Variants in LYAR observed in about 807,000 individuals in gnomAD.
LYAR encodes the protein cell growth-regulating nucleolar protein.
Under a neutral mutation model 45.2 loss-of-function variants are expected in LYAR, and 37 were observed. The observed-to-expected ratio is 0.82, with a 90% CI of 0.63 to 1.08. LYAR has a LOEUF of 1.08. Among genes scored for constraint, LYAR ranks in the 50% least tolerant of loss-of-function variants. The pLI is 0.00. For synonymous variants in LYAR, 176 were observed against 155.1 expected, an observed-to-expected ratio of 1.14 and a Z score of -1.00; for missense variants, 493 against 451.0, an observed-to-expected ratio of 1.09 and a Z score of -0.84.
rs964299150 is a variant in LYAR at position 4,272,173 on chromosome 4, C to T, written c.919+1410G>A. 3.9e-5 allele frequency among the ~76,000 whole-genome samples: 6 copies of T among 152,250 alleles called. No individual in the cohort carries two copies. In the South Asian group the frequency reaches 6.2e-4, roughly 16 times the overall value. ...TGGAAGCGTATCCATGTCAACATCC[C>T]GGCTGAGATGCTGTACTACAGTTGT... On this transcript the variant is annotated intron_variant, in intron 8 of 9. Coordinates refer to ENST00000343470, the MANE Select transcript of LYAR (RefSeq NM_017816.3).
At chr4:4,284,553 G>C (rs547004413) in intron 2 of LYAR, among the ~76,000 whole-genome samples, 15 of 152,284 alleles carry the variant, frequency 9.9e-5, no homozygotes, top group African/African-American at 3.6e-4. Context: ...GCTGGGTGCT[G>C]AATTACTGGA....
At chr4:4,282,003 A>C in intron 3 of LYAR, 106 bp from the exon 4 acceptor site, 3 of 702,568 alleles carry the variant, frequency 4.3e-6, no homozygotes, top group Non-Finnish European at 7.6e-6. Context: ...ATATTTTCAC[A>C]TGTGTCTATC....
At chr4:4,288,557 C>T (rs1342200334) in intron 1 of LYAR, among the ~76,000 whole-genome samples, 4 of 148,362 alleles carry the variant, frequency 2.7e-5, no homozygotes, top group East Asian at 4.0e-4. Flanking sequence ...GCAATCTCGG[C>T]TCACTGCAGC....
At chr4:4,272,161 A>T (rs978406679) in intron 8 of LYAR, among the ~76,000 whole-genome samples, 1 of 152,214 alleles carries the variant, frequency 6.6e-6, no homozygotes, top group Non-Finnish European at 1.5e-5. Context: ...AAGCGTATCC[A>T]TGTCAACATC....
rs1577212694 is a variant in LYAR at position 4,274,538 on chromosome 4, T to C, written c.661A>G (p.Lys221Glu). The stretch of plus-strand genomic sequence containing the variant: ...GCCTCCTGTCCCTTTTTGCGCTTCT[T>C]AGGCTTCTGATTCCTTGAGTTTTCC... ...HQENSRNQKPKKRKKGQEADL... is the reference protein window; with the variant it reads ...HQENSRNQKPEKRKKGQEADL... Residue 221 changes from lysine to glutamate, a missense_variant, in exon 7 of 10, where the codon AAG becomes GAG. Transcript: ENST00000343470. The C allele has an allele frequency of 5.0e-6, 8 of 1,614,204 alleles. No individual in the cohort carries two copies. In the East Asian group the frequency reaches 8.9e-5, roughly 18 times the overall value.
chr4:4,286,947 G>A lies in LYAR; in HGVS notation c.-107-375C>T, dbSNP rs147957598. 1.7e-4 allele frequency among the ~76,000 whole-genome samples: 26 copies of A among 152,232 alleles called. No homozygotes were observed. The East Asian group carries it at 1.7e-3, about 10-fold the overall frequency. On this transcript the variant is annotated intron_variant, in intron 1 of 9. Coordinates refer to ENST00000343470, the MANE Select transcript of LYAR (RefSeq NM_017816.3). Reference sequence around the variant, plus strand: ...ATTACAGGCGTGAGCCACCGCGCCCGGCCTTAATTAAATTTTAAATGATGT... The same window carrying A: ...ATTACAGGCGTGAGCCACCGCGCCCAGCCTTAATTAAATTTTAAATGATGT...
At chr4:4,279,401 T>G (rs763338321) in intron 6 of LYAR, 46 bp downstream of exon 6, 6 of 1,207,894 alleles carry the variant, frequency 5.0e-6, no homozygotes, top group Non-Finnish European at 7.2e-6. Context: ...TCATTATTAC[T>G]AATTATTTTT....
chr4:4,268,704 TC>T, intron 8 of LYAR, 89 bp from the exon 9 acceptor site: 1 of 786,686 alleles, frequency 1.3e-6, no homozygotes, highest in Non-Finnish European at 2.1e-6. Context: ...CCTATTTGCT[TC>T]CCAGGAAATG....
intron 2 of LYAR, among the ~76,000 whole-genome samples, chr4:4,285,413 A>G (rs917742015): frequency 2.0e-5 from 3 of 151,918 alleles, no homozygotes; most frequent in East Asian, 1.9e-4. Flanking sequence ...AAAGCTTACC[A>G]TTCTAAAAAA....
At chr4:4,289,395 T>C (rs888293018) in intron 1 of LYAR, among the ~76,000 whole-genome samples, 1 of 151,998 alleles carries the variant, frequency 6.6e-6, no homozygotes, top group African/African-American at 2.4e-5. Flanking sequence ...GAAATCAGGG[T>C]TGCAAATACA....
chr4:4,274,830 A>T, intron 6 of LYAR, 61 bp from the exon 7 acceptor site: 1 of 1,476,792 alleles, frequency 6.8e-7, no homozygotes, highest in South Asian at 1.3e-5. Flanking sequence ...TAGAGTTGTC[A>T]CGTTATTGCC....
intron 2 of LYAR, among the ~76,000 whole-genome samples, chr4:4,284,496 G>C (rs1011141195): frequency 8.5e-5 from 13 of 152,174 alleles, no homozygotes; most frequent in Admixed American, 6.5e-5. Flanking sequence ...GTGGCAGCTT[G>C]TCAGACAAGT....
chr4:4,276,041 G>C (rs1719166419), intron 6 of LYAR, among the ~76,000 whole-genome samples: 1 of 152,114 alleles, frequency 6.6e-6, no homozygotes, highest in Admixed American at 6.6e-5. Flanking sequence ...ACTTTAAACA[G>C]TGACATCAGC....
intron 8 of LYAR, 119 bp downstream of exon 8, chr4:4,273,464 C>T: frequency 1.4e-6 from 1 of 690,694 alleles, no homozygotes; most frequent in Non-Finnish European, 2.6e-6. Flanking sequence ...CCATGGCTCA[C>T]TACAGCCTCA....
At chr4:4,286,146 GAACAGCTC>G (rs1405570052) in intron 2 of LYAR, among the ~76,000 whole-genome samples, 1 of 152,190 alleles carries the variant, frequency 6.6e-6, no homozygotes, top group Non-Finnish European at 1.5e-5. Flanking sequence ...CATGAAATGG[GAACAGCTC>G]TGTGTCCACT....
chr4:4,279,760 G>A lies in LYAR; in HGVS notation c.238-11C>T, dbSNP rs778221067. On this transcript the variant is annotated splice_polypyrimidine_tract_variant and intron_variant, in intron 4 of 9. Coordinates refer to ENST00000343470, the MANE Select transcript of LYAR (RefSeq NM_017816.3). ...TAATTCACTAATTTTCTACAAAAAG[G>A]GAAGAAAAAAGAAAAACTATTAATA... The A allele has an allele frequency of 7.8e-6, 12 of 1,537,576 alleles. No homozygotes were observed. The highest frequency in any genetic ancestry group is 4.5e-5 in the East Asian group (2 of 44,474).
At chr4:4,274,820 T>C (rs538535236) in intron 6 of LYAR, 51 bp from the exon 7 acceptor site, 10 of 1,521,904 alleles carry the variant, frequency 6.6e-6, no homozygotes, top group Middle Eastern at 1.8e-4. Context: ...AATGTGTAAA[T>C]AGAGTTGTCA....
intron 2 of LYAR, among the ~76,000 whole-genome samples, chr4:4,286,202 C>T (rs974948841): frequency 1.3e-5 from 2 of 152,172 alleles, no homozygotes; most frequent in Non-Finnish European, 1.5e-5. Context: ...AGGAGCTTAC[C>T]TCTCCTTTAT....
At chr4:4,272,005 C>T (rs1379679081) in intron 8 of LYAR, among the ~76,000 whole-genome samples, 4 of 152,072 alleles carry the variant, frequency 2.6e-5, no homozygotes, top group Non-Finnish European at 5.9e-5. Context: ...CTGTATGATT[C>T]CATTCATAGA....
Sources: gnomAD v4.1 joint callset for allele counts (sites outside exome capture counted in the v4.1 genomes callset) on GRCh38, gnomAD v4.1.1 for gene constraint, MANE v1.5 for transcripts, NCBI Gene and HGNC (gene_info 2026-07-23, HGNC 2026-07-21) for gene names.